Variants in TTC23 observed in about 807,000 individuals in gnomAD.
TTC23 encodes tetratricopeptide repeat domain 23, also known as tetratricopeptide repeat protein 23.
In TTC23, 58 loss-of-function variants were observed where a neutral mutation model predicts 55.1. The ratio of observed to expected loss-of-function variants is 1.05; its 90% CI spans 0.85 to 1.31. TTC23 has a LOEUF of 1.31. Among genes scored for constraint, TTC23 ranks in the 50% most tolerant of loss-of-function variants. The probability of loss-of-function intolerance (pLI) is 0.00; values close to 1 mark genes in which losing one functional copy is unlikely to be tolerated. For synonymous variants in TTC23, 203 were observed against 199.9 expected (o/e 1.02, Z -0.13); for missense variants, 516 against 534.4 (o/e 0.97, Z 0.34).
At chr15:99,229,374 C>T (rs1167652138) in intron 4 of TTC23, among the ~76,000 whole-genome samples, 2 of 152,110 alleles carry the variant, frequency 1.3e-5, no homozygotes, top group African/African-American at 2.4e-5. Flanking sequence ...GATAAAACAA[C>T]GGTTTCAAGA....
At chr15:99,139,187 T>C in intron 13 of TTC23, 130 bp downstream of exon 13, 1 of 1,162,998 alleles carries the variant, frequency 8.6e-7, no homozygotes, top group Non-Finnish European at 1.2e-6. Context: ...ACTTGTCCTT[T>C]ATGCAAGTTA....
chr15:99,193,512 T>TCCTC (rs2075423457), intron 9 of TTC23, among the ~76,000 whole-genome samples: 1 of 152,168 alleles, frequency 6.6e-6, no homozygotes, highest in South Asian at 2.1e-4. Context: ...CATGACTTGC[T>TCCTC]CCTCCTTGCC....
chr15:99,153,676 GAATTA>G (rs1327830142), intron 12 of TTC23, among the ~76,000 whole-genome samples: 4 of 151,922 alleles, frequency 2.6e-5, no homozygotes, highest in African/African-American at 9.7e-5. Context: ...GAAAACAAAT[GAATTA>G]AATTCCCAAC....
intron 4 of TTC23, among the ~76,000 whole-genome samples, chr15:99,231,495 A>C (rs963034746): frequency 4.0e-5 from 6 of 151,884 alleles, no homozygotes; most frequent in Non-Finnish European, 8.8e-5. Flanking sequence ...TTGTGTCTTA[A>C]TTTTGTTTTT....
chr15:99,225,017 C>T (rs538755620), intron 5 of TTC23, among the ~76,000 whole-genome samples: 3 of 152,056 alleles, frequency 2.0e-5, no homozygotes, highest in South Asian at 2.1e-4. Flanking sequence ...ATGAAAGACA[C>T]GGAAATGATG....
chr15:99,149,331 A>G (rs2069395302), intron 12 of TTC23, among the ~76,000 whole-genome samples: 1 of 152,224 alleles, frequency 6.6e-6, no homozygotes, highest in African/African-American at 2.4e-5. Context: ...GGAGCCTGGC[A>G]AACAGGTGTC....
At chr15:99,171,440 G>A (rs537100682) in intron 10 of TTC23, among the ~76,000 whole-genome samples, 19 of 152,114 alleles carry the variant, frequency 1.2e-4, no homozygotes, top group African/African-American at 4.3e-4. Context: ...GTTGTTAAAA[G>A]GATTCAATGA....
chr15:99,221,867 G>T lies in TTC23; in HGVS notation c.181-3C>A. 6.2e-7 allele frequency: 1 copy of T among 1,613,514 alleles called. No homozygotes were observed. The highest frequency in any genetic ancestry group is 1.1e-5 in the South Asian group (1 of 90,974). Reference sequence around the variant, plus strand: ...AGCTCATGGACGGCCTGTTTGTACTGTTAGGAAGAGAAAACAGGCTTACCA... The same window carrying T: ...AGCTCATGGACGGCCTGTTTGTACTTTTAGGAAGAGAAAACAGGCTTACCA... On this transcript the variant is annotated splice_region_variant and splice_polypyrimidine_tract_variant and intron_variant, in intron 5 of 13. Transcript: ENST00000394132.
At chr15:99,193,783 A>T (rs754124411) in intron 9 of TTC23, among the ~76,000 whole-genome samples, 6 of 152,116 alleles carry the variant, frequency 3.9e-5, no homozygotes, top group Non-Finnish European at 7.4e-5. Flanking sequence ...TAAGGCAGTC[A>T]TATCACTTGA....
chr15:99,167,522 G>A (rs2072292090), intron 10 of TTC23, among the ~76,000 whole-genome samples: 1 of 152,138 alleles, frequency 6.6e-6, no homozygotes, highest in Non-Finnish European at 1.5e-5. Flanking sequence ...GTGTGGCTCG[G>A]TGAGCAGGGT....
At chr15:99,180,045 A>G (rs2073967846) in intron 9 of TTC23, among the ~76,000 whole-genome samples, 2 of 152,222 alleles carry the variant, frequency 1.3e-5, no homozygotes, top group African/African-American at 2.4e-5. Flanking sequence ...ACAGAATTAC[A>G]GGCATCCTGC....
At chr15:99,181,069 C>G (rs1448474869) in intron 9 of TTC23, among the ~76,000 whole-genome samples, 2 of 152,158 alleles carry the variant, frequency 1.3e-5, no homozygotes, top group African/African-American at 2.4e-5. Context: ...GTGAACAGCC[C>G]AATTTACAGA....
chr15:99,225,950 C>T (rs1410130273), intron 5 of TTC23, among the ~76,000 whole-genome samples: 1 of 152,192 alleles, frequency 6.6e-6, no homozygotes, highest in Non-Finnish European at 1.5e-5. Flanking sequence ...AAGGAGCGCC[C>T]CATGTCACAC....
At chr15:99,226,565 G>A (rs182446401) in intron 5 of TTC23, among the ~76,000 whole-genome samples, 1 of 152,234 alleles carries the variant, frequency 6.6e-6, no homozygotes, top group East Asian at 1.9e-4. Context: ...GCCTTCCAGG[G>A]CACTTAGCTT....
chr15:99,209,202 T>C (rs1304835999), intron 8 of TTC23, among the ~76,000 whole-genome samples: 3 of 152,228 alleles, frequency 2.0e-5, no homozygotes, highest in Non-Finnish European at 2.9e-5. Flanking sequence ...CTGGTATTAC[T>C]AAGGCAACAG....
At chr15:99,180,179 T>C (rs2073980245) in intron 9 of TTC23, among the ~76,000 whole-genome samples, 1 of 152,196 alleles carries the variant, frequency 6.6e-6, no homozygotes, top group Non-Finnish European at 1.5e-5. Context: ...TTTCCCCTCA[T>C]GTCTTTTGTT....
At chr15:99,228,432 C>G (rs1287295212) in intron 5 of TTC23, 101 bp downstream of exon 5, 2 of 1,080,390 alleles carry the variant, frequency 1.9e-6, no homozygotes, top group Non-Finnish European at 2.6e-6. Context: ...TTGTATCAAA[C>G]TGCTGAGATT....
At chr15:99,221,940 A>T (rs2077971508) in intron 5 of TTC23, 76 bp from the exon 6 acceptor site, 1 of 1,537,058 alleles carries the variant, frequency 6.5e-7, no homozygotes, top group Admixed American at 1.8e-5. Flanking sequence ...GCGCTTTTAT[A>T]TCCCTTTGAT....
At chr15:99,236,791 A>G (rs979116703) in intron 3 of TTC23, among the ~76,000 whole-genome samples, 2 of 152,202 alleles carry the variant, frequency 1.3e-5, no homozygotes, top group African/African-American at 4.8e-5. Context: ...CACAATTTGC[A>G]GATATGTTCT....
Sources: gnomAD v4.1 joint callset for allele counts (sites outside exome capture counted in the v4.1 genomes callset) on GRCh38, gnomAD v4.1.1 for gene constraint, MANE v1.5 for transcripts, NCBI Gene and HGNC (gene_info 2026-07-23, HGNC 2026-07-21) for gene names.